RBM19: variants seen among roughly 807,000 people sequenced by gnomAD.
The protein encoded by RBM19 is probable RNA-binding protein 19.
In RBM19, 94 loss-of-function variants were observed where a neutral mutation model predicts 116.8. The observed-to-expected ratio is 0.80, with a 90% confidence interval of 0.68 to 0.95. RBM19 has a LOEUF of 0.95. RBM19 is among the 40% of genes least tolerant of loss of function. RBM19 has a pLI of 0.00. For synonymous variants in RBM19, 475 were observed against 494.1 expected (o/e 0.96, Z 0.51); for missense variants, 1,161 against 1,220.7 (o/e 0.95, Z 0.73).
In RBM19 at chr12:113,924,748, T is replaced by C. The variant is rs760426578; in HGVS notation, c.2254A>G (p.Lys752Glu). Residue 752 changes from lysine to glutamate, a missense_variant, in exon 18 of 24, where the codon AAA becomes GAA. Coordinates refer to ENST00000261741, the MANE Select transcript of RBM19 (RefSeq NM_016196.4). ...GAGCAGCTCTTCACTGTCCCCACTT[T>C]TGAAAACACCTGGATAAGAAAGTAA... The part of the protein sequence containing the change: ...TEEKLKEVFS[K>E]VGTVKSCSIS... 29 of 1,546,382 alleles carry C rather than the reference T, an allele frequency of 1.9e-5. No homozygotes were observed. The highest frequency in any genetic ancestry group is 2.5e-5 in the Non-Finnish European group (28 of 1,118,568).
chr12:113,943,810 G>C (rs6489928), intron 13 of RBM19, among the ~76,000 whole-genome samples: 97,614 of 152,048 alleles, frequency 0.64, 32,148 homozygotes, highest in East Asian at 0.87. Flanking sequence ...GCAACAAGAG[G>C]AAAACTCTGT....
At chr12:113,957,632 G>A in intron 6 of RBM19, 150 bp downstream of exon 6, 8 of 1,221,664 alleles carry the variant, frequency 6.5e-6, no homozygotes, top group South Asian at 3.6e-5. Context: ...CACACGGCGA[G>A]CAAGCGGCAG....
At chr12:113,835,274 T>TTCA (rs1875774937) in intron 23 of RBM19, among the ~76,000 whole-genome samples, 1 of 152,158 alleles carries the variant, frequency 6.6e-6, no homozygotes, top group Admixed American at 6.5e-5. Flanking sequence ...CTTATGTATG[T>TTCA]TCATTTTTTC....
chr12:113,866,760 A>G (rs969021773), intron 21 of RBM19, among the ~76,000 whole-genome samples: 3 of 152,236 alleles, frequency 2.0e-5, no homozygotes, highest in African/African-American at 7.2e-5. Flanking sequence ...TGGAAGGGAC[A>G]GGGGCCACTC....
chr12:113,828,472 C>T (rs904035404), intron 23 of RBM19, among the ~76,000 whole-genome samples: 7 of 149,454 alleles, frequency 4.7e-5, no homozygotes, highest in Non-Finnish European at 1.0e-4. Flanking sequence ...TCCGCTAAGT[C>T]GGAGACAGAA....
At chr12:113,934,008 G>A (rs1869842035) in intron 16 of RBM19, among the ~76,000 whole-genome samples, 1 of 152,212 alleles carries the variant, frequency 6.6e-6, no homozygotes, top group African/African-American at 2.4e-5. Flanking sequence ...GCTGAGTGTA[G>A]TGGTGCAATC....
rs1872100882 is a variant in RBM19, at chr12:113,957,834, T to C, written c.788A>G (p.Gln263Arg). 1.2e-6 allele frequency: 2 copies of C among 1,613,152 alleles called. No individual in the cohort carries two copies. Among genetic ancestry groups the C allele is most frequent in the Non-Finnish European group, 1.7e-6 (2 of 1,179,480 alleles). ...LQERDSKGAG[Q>R]EQGMPAGKKR... Reference sequence around the variant, plus strand: ...TTTCCCAGCTGGCATCCCTTGCTCTTGGCCTGCACCCTTGCTGTCTCTTTC... The same window carrying C: ...TTTCCCAGCTGGCATCCCTTGCTCTCGGCCTGCACCCTTGCTGTCTCTTTC... Residue 263 changes from glutamine (Q) to arginine (R), a missense_variant, in exon 6 of 24, where the codon CAA becomes CGA. Coordinates refer to ENST00000261741, the MANE Select transcript of RBM19 (RefSeq NM_016196.4).
intron 18 of RBM19, among the ~76,000 whole-genome samples, chr12:113,922,205 C>T (rs1292331356): frequency 6.6e-6 from 1 of 152,184 alleles, no homozygotes; most frequent in Non-Finnish European, 1.5e-5. Context: ...CCTGTAGAGC[C>T]CACTTCCTGG....
At chr12:113,896,317 C>T (rs181022978) in intron 21 of RBM19, among the ~76,000 whole-genome samples, 4 of 152,276 alleles carry the variant, frequency 2.6e-5, no homozygotes, top group East Asian at 3.9e-4. Flanking sequence ...GCAAATTCTC[C>T]GGAATGCAGC....
chr12:113,849,841 C>A (rs534538529), intron 22 of RBM19, among the ~76,000 whole-genome samples: 3 of 152,184 alleles, frequency 2.0e-5, no homozygotes, highest in Non-Finnish European at 2.9e-5. Context: ...CCATCCTCTA[C>A]GCTTTAGGAG....
intron 16 of RBM19, among the ~76,000 whole-genome samples, chr12:113,928,417 T>TAC (rs3066401): frequency 0.11 from 15,563 of 136,172 alleles, 988 homozygotes; most frequent in Admixed American, 0.21. Context: ...TACATGTGCA[T>TAC]ACACACACAC....
intron 12 of RBM19, 137 bp from the exon 13 acceptor site, chr12:113,946,061 G>A (rs1230905964): frequency 6.1e-5 from 51 of 840,768 alleles, no homozygotes; most frequent in South Asian, 2.0e-4. Flanking sequence ...CATGGGCTAC[G>A]TATACAGGGC....
Position 113,902,212 on chromosome 12 carries a change from G to T in RBM19, c.2558+12757C>A, listed in dbSNP as rs568127861. On this transcript the variant is annotated intron_variant, in intron 21 of 23. Transcript: ENST00000261741. Reference sequence around the variant, plus strand: ...GAGTGTCCACCACAATGAAAACACAGAATGGTTTTATCACAAGGACCCCCT... The same window carrying T: ...GAGTGTCCACCACAATGAAAACACATAATGGTTTTATCACAAGGACCCCCT... Among the ~76,000 whole-genome samples the T allele has an allele frequency of 1.8e-4, 27 of 152,272 alleles. No individual in the cohort carries two copies. In the South Asian group the frequency reaches 3.9e-3, roughly 22 times the overall value.
Position 113,957,983 on chromosome 12 carries a change from G to C in RBM19, c.639C>G (p.Ser213=), listed in dbSNP as rs754102066. 3 of 1,614,116 alleles carry C rather than the reference G, an allele frequency of 1.9e-6. No individual in the cohort carries two copies. The highest frequency in any genetic ancestry group is 2.5e-6 in the Non-Finnish European group (3 of 1,180,012). The stretch of plus-strand genomic sequence containing the variant: ...AGGACGACCCAGCCTTCACCATCTT[G>C]GATTTCAGGTAATCCATGTCCGACA... ...KELSDMDYLK[S]KMVKAGSSSS... The change falls in exon 6 of 24, where the codon TCC becomes TCG. Residue 213 remains serine, a synonymous_variant. Coordinates refer to ENST00000261741, the MANE Select transcript of RBM19 (RefSeq NM_016196.4).
chr12:113,945,359 G>A (rs558516657), intron 13 of RBM19, among the ~76,000 whole-genome samples: 22 of 152,300 alleles, frequency 1.4e-4, no homozygotes, highest in African/African-American at 2.4e-4. Context: ...CCTGGGCTGC[G>A]GAAATCATGA....
downstream of RBM19, among the ~76,000 whole-genome samples, chr12:113,818,535 C>T (rs1874206194): frequency 6.6e-6 from 1 of 152,206 alleles, no homozygotes; most frequent in Non-Finnish European, 1.5e-5. Flanking sequence ...TGCAGCCCCA[C>T]AAGCTTGCCT....
At chr12:113,907,853 T>C (rs1882171508) in intron 21 of RBM19, among the ~76,000 whole-genome samples, 1 of 152,146 alleles carries the variant, frequency 6.6e-6, no homozygotes, top group African/African-American at 2.4e-5. Flanking sequence ...GATGAGGTCA[T>C]ATGGATGAGG....
At chr12:113,829,812 G>A (rs571991075) in intron 23 of RBM19, among the ~76,000 whole-genome samples, 1 of 152,318 alleles carries the variant, frequency 6.6e-6, no homozygotes, top group East Asian at 1.9e-4. Flanking sequence ...AGGCAAACAT[G>A]AAAGCTAACA....
chr12:113,866,653 T>C (rs1878829257), intron 21 of RBM19, among the ~76,000 whole-genome samples: 1 of 152,182 alleles, frequency 6.6e-6, no homozygotes, highest in South Asian at 2.1e-4. Flanking sequence ...AAATGCAATG[T>C]TCTGCCCTCC....
Sources: allele counts gnomAD v4.1 joint callset (sites outside exome capture counted in the v4.1 genomes callset), GRCh38; gene constraint gnomAD v4.1.1; transcripts MANE v1.5; gene names NCBI Gene and HGNC (gene_info 2026-07-23, HGNC 2026-07-21).